The following VCL variants were observed in gnomAD, a reference collection of about 807,000 sequenced individuals.
VCL encodes the protein vinculin, also known as epididymis luminal protein 114.
A neutral mutation model predicts 125.7 loss-of-function variants in VCL; 47 were observed. That is an observed-to-expected ratio of 0.37 (90% CI 0.30 to 0.48). The LOEUF is 0.48. Ranked by LOEUF, VCL falls within the 20% of genes least tolerant of loss-of-function variation. The pLI, the probability that VCL is intolerant of heterozygous loss-of-function variation, is 0.99. For missense variants in VCL, 1,069 were observed against 1,455.5 expected, an observed-to-expected ratio of 0.73 and a Z score of 4.32; for synonymous variants, 458 against 514.6, an observed-to-expected ratio of 0.89 and a Z score of 1.49.
intron 14 of VCL, among the ~76,000 whole-genome samples, chr10:74,101,443 C>T (rs1042550277): frequency 1.7e-4 from 26 of 152,038 alleles, no homozygotes; most frequent in Non-Finnish European, 3.7e-4. Context: ...CTTTGATTGC[C>T]CCACTGCCCT....
chr10:74,118,368 T>A lies in VCL; in HGVS notation c.*199T>A. The A allele has an allele frequency of 1.5e-6, 1 of 685,602 alleles. No individual in the cohort carries two copies. Among genetic ancestry groups the A allele is most frequent in the Non-Finnish European group, 2.5e-6 (1 of 399,570 alleles). The allele number at this position is 685,602 out of a possible 1,614,324, so 42.5% of individuals were successfully genotyped here. On this transcript the variant is annotated 3_prime_UTR_variant, in exon 22 of 22. Transcript: ENST00000211998. ...GGACACTTTGAAATGTGTTTCTGTA[T>A]AAAGCCTGTATTCTCAAACACAGTT... is the stretch of plus-strand genomic sequence containing the variant.
chr10:74,073,301 G>A (rs1204807040), intron 5 of VCL, among the ~76,000 whole-genome samples: 2 of 152,142 alleles, frequency 1.3e-5, no homozygotes, highest in Admixed American at 6.5e-5. Flanking sequence ...AATGAGACCC[G>A]ATTGATTGGT....
At chr10:74,079,154 A>G (rs1176154999) in intron 6 of VCL, among the ~76,000 whole-genome samples, 2 of 152,194 alleles carry the variant, frequency 1.3e-5, no homozygotes, top group Non-Finnish European at 2.9e-5. Context: ...GTATGCAGGG[A>G]AGAGTGCCAA....
At chr10:74,086,493 G>C (rs1286299181) in intron 8 of VCL, among the ~76,000 whole-genome samples, 1 of 152,232 alleles carries the variant, frequency 6.6e-6, no homozygotes, top group Non-Finnish European at 1.5e-5. Context: ...AAGAAGTTTT[G>C]TTCTCATTCG....
At chr10:74,068,123 A>C (rs186067949) in intron 2 of VCL, among the ~76,000 whole-genome samples, 138 of 152,358 alleles carry the variant, frequency 9.1e-4, no homozygotes, top group African/African-American at 3.2e-3. Flanking sequence ...ATATGGCAAC[A>C]TTTGTTAAAA....
At chr10:74,062,538 G>A (rs1841498409) in intron 2 of VCL, among the ~76,000 whole-genome samples, 1 of 151,950 alleles carries the variant, frequency 6.6e-6, no homozygotes, top group South Asian at 2.1e-4. Flanking sequence ...GTACAGTTAT[G>A]ACCATTTTAA....
chr10:74,104,888 GTGGTGTTTACCTGGAAGCT>G (rs1258648044), intron 15 of VCL, 144 bp from the exon 16 acceptor site: 1 of 785,212 alleles, frequency 1.3e-6, no homozygotes, highest in Admixed American at 2.6e-5. Context: ...TTTTTTAACT[GTGGTGTTTACCTGGAAGCT>G]TTTGATTATG....
At position 74,071,124 on chromosome 10, in the gene VCL, T is replaced by C. The variant is rs1006064394; in HGVS notation, c.499+41T>C. On this transcript the variant is annotated intron_variant, in intron 4 of 21. Transcript: ENST00000211998. The surrounding 1 kb of genome is among the most constrained non-coding windows in gnomAD (Gnocchi z 4.1). Reference sequence around the variant, plus strand: ...TTTCTATAACATTTTTTAAGGATTGTCCATGTTGGAGCCAAAGGAAAGGGT... The same window carrying C: ...TTTCTATAACATTTTTTAAGGATTGCCCATGTTGGAGCCAAAGGAAAGGGT... 4.4e-6 allele frequency: 7 copies of C among 1,596,118 alleles called. No individual in the cohort carries two copies. Among genetic ancestry groups the C allele is most frequent in the Non-Finnish European group, 6.0e-6 (7 of 1,164,104 alleles).
chr10:74,018,870 A>G (rs1840609338), intron 1 of VCL, among the ~76,000 whole-genome samples: 1 of 152,182 alleles, frequency 6.6e-6, no homozygotes, highest in Non-Finnish European at 1.5e-5. Context: ...TTCTAGAGAT[A>G]GTTTGTGCAC....
intron 1 of VCL, among the ~76,000 whole-genome samples, chr10:74,021,067 C>T (rs1840655647): frequency 6.6e-6 from 1 of 151,794 alleles, no homozygotes. Flanking sequence ...TCCGTATTTC[C>T]CCTCCATCTT....
At chr10:74,048,608 G>C (rs974624631) in intron 2 of VCL, among the ~76,000 whole-genome samples, 2 of 152,070 alleles carry the variant, frequency 1.3e-5, no homozygotes, top group Non-Finnish European at 2.9e-5. Context: ...AGACTGCTGT[G>C]GCAGTAATGT....
At chr10:74,038,940 T>C (rs868762301) in intron 1 of VCL, among the ~76,000 whole-genome samples, 2 of 152,088 alleles carry the variant, frequency 1.3e-5, no homozygotes, top group Non-Finnish European at 2.9e-5. Context: ...AGACGGTGTT[T>C]TGCTCTTGTC....
chr10:74,021,300 C>A lies in VCL; in HGVS notation c.169-21783C>A, dbSNP rs552683321. The stretch of plus-strand genomic sequence containing the variant: ...TGTTTCCACCCCTCCTTTCTCTGAC[C>A]CCCCTACCCAGCTTCCAAATTTGAG... On this transcript the variant is annotated intron_variant, in intron 1 of 21. Transcript: ENST00000211998. Among the ~76,000 whole-genome samples, 9 of 152,106 alleles carry A rather than the reference C, an allele frequency of 5.9e-5. No individual in the cohort carries two copies. The East Asian group carries it at 1.7e-3, about 29-fold the overall frequency.
At chr10:74,037,738 C>G (rs779599550) in intron 1 of VCL, among the ~76,000 whole-genome samples, 30 of 152,318 alleles carry the variant, frequency 2.0e-4, no homozygotes, top group Middle Eastern at 3.4e-3. Context: ...TGGGCAGCTT[C>G]TCCTTTCCAG....
intron 19 of VCL, among the ~76,000 whole-genome samples, chr10:74,112,838 T>C (rs570686736): frequency 7.2e-4 from 109 of 152,234 alleles, no homozygotes; most frequent in African/African-American, 2.2e-3. Context: ...AAGAAAGGCT[T>C]TGAAGAGTGA....
At chr10:74,107,067 G>A (rs1360866494) in intron 16 of VCL, among the ~76,000 whole-genome samples, 163 bp from the exon 17 acceptor site, 1 of 152,188 alleles carries the variant, frequency 6.6e-6, no homozygotes, top group African/African-American at 2.4e-5. Flanking sequence ...AGGCCTCAGG[G>A]CATCTGCCTT....
intron 2 of VCL, among the ~76,000 whole-genome samples, chr10:74,066,164 A>G (rs61865578): frequency 0.34 from 51,085 of 148,704 alleles, 10,451 homozygotes; most frequent in Non-Finnish European, 0.47. Context: ...GGTTCAAGTA[A>G]TTCTCCTGCC....
chr10:74,070,576 CTG>C (rs889169935), intron 2 of VCL, 92 bp from the exon 3 acceptor site: 46 of 1,566,678 alleles, frequency 2.9e-5, no homozygotes, highest in Non-Finnish European at 3.6e-5. Flanking sequence ...GGGAAAAAAA[CTG>C]TGAATTTACA....
At chr10:74,074,939 C>G in intron 6 of VCL, 36 bp downstream of exon 6, 1 of 1,613,892 alleles carries the variant, frequency 6.2e-7, no homozygotes, top group South Asian at 1.1e-5. Flanking sequence ...GCAAAATCCC[C>G]AACTCTCCCT....
Sources: allele counts gnomAD v4.1 joint callset (sites outside exome capture counted in the v4.1 genomes callset), GRCh38; gene constraint gnomAD v4.1.1; non-coding constraint Gnocchi (gnomAD v3.1); transcripts MANE v1.5; gene names NCBI Gene and HGNC (gene_info 2026-07-23, HGNC 2026-07-21).